Variants in TMEM150A observed in about 807,000 individuals in gnomAD.
The protein encoded by TMEM150A is transmembrane protein 150A.
Under a neutral mutation model 29.8 loss-of-function variants are expected in TMEM150A, and 18 were observed. The observed-to-expected ratio is 0.60, with a 90% CI of 0.42 to 0.90. TMEM150A has a LOEUF of 0.90. Ranked by LOEUF, TMEM150A falls within the 40% of genes least tolerant of loss-of-function variation. The pLI, the probability that TMEM150A is intolerant of heterozygous loss-of-function variation, is 0.00. For missense variants in TMEM150A, 251 were observed against 349.7 expected (o/e 0.72, Z 2.25); for synonymous variants, 127 against 143.6 (o/e 0.88, Z 0.83).
Position 85,598,575 on chromosome 2 carries a change from A to C in TMEM150A, c.*501T>G, listed in dbSNP as rs1463355016. On this transcript the variant is annotated 3_prime_UTR_variant, in exon 8 of 8. Coordinates refer to ENST00000334462, the MANE Select transcript of TMEM150A (RefSeq NM_001031738.3). ...AAATTAGAATTCTTTTAATATAAAA[A>C]AAAGTACTAAAATACCCACGTGGTT... 6.3e-6 allele frequency: 1 copy of C among 157,908 alleles called. No homozygotes were observed. The highest frequency in any genetic ancestry group is 1.4e-5 in the Non-Finnish European group (1 of 70,916). 9.8% of individuals were successfully genotyped at this position (157,908 alleles called of 1,614,324 possible). A position where few individuals can be genotyped will look rare whatever the true frequency, so the allele number is the denominator to read the frequency against.
Position 85,602,075 on chromosome 2 carries a change from G to T in TMEM150A, c.-116-11C>A. 1 of 834,732 alleles carries T rather than the reference G, an allele frequency of 1.2e-6. No homozygotes were observed. The highest frequency in any genetic ancestry group is 1.5e-5 in the South Asian group (1 of 67,108). The allele number at this position is 834,732 out of a possible 1,614,324, so 51.7% of individuals were successfully genotyped here. A position where few individuals can be genotyped will look rare whatever the true frequency, so the allele number is the denominator to read the frequency against. ...ATCAGCTGTCCTGGCCTGGTGGAGAGAGATCAAAGTCCAGGAGTGGGTAAC... is the reference window on the plus strand; with the variant it reads ...ATCAGCTGTCCTGGCCTGGTGGAGATAGATCAAAGTCCAGGAGTGGGTAAC... On this transcript the variant is annotated splice_polypyrimidine_tract_variant and intron_variant, in intron 1 of 7. Transcript: ENST00000334462. The surrounding 1 kb of genome is among the most constrained non-coding windows in gnomAD (Gnocchi z 5.6).
Position 85,601,201 on chromosome 2 carries a change from C to A in TMEM150A, c.114-94G>T. The A allele has an allele frequency of 7.3e-7, 1 of 1,362,852 alleles. No homozygotes were observed. The allele number at this position is 1,362,852 out of a possible 1,614,324, so 84.4% of individuals were successfully genotyped here. A position where few individuals can be genotyped will look rare whatever the true frequency, so the allele number is the denominator to read the frequency against. On this transcript the variant is annotated intron_variant, in intron 3 of 7. Coordinates refer to ENST00000334462, the MANE Select transcript of TMEM150A (RefSeq NM_001031738.3). This position sits in a 1 kb window ranked among gnomAD's most constrained non-coding sequence, Gnocchi z 4.0. ...GCCTCAAAGAGGACTCTCTCCCAGA[C>A]CTCCCCTACAGGGACAGAAGATCCC...
Position 85,601,807 on chromosome 2 carries a change from C to T in TMEM150A, c.65+77G>A. ...CACCCAGAGTGACCCTGGGTACCAC[C>T]GTGGCTATGACAGGACAAGAGACTT... On this transcript the variant is annotated intron_variant, in intron 2 of 7. Transcript: ENST00000334462. This position sits in a 1 kb window ranked among gnomAD's most constrained non-coding sequence, Gnocchi z 4.0. 6.5e-7 allele frequency: 1 copy of T among 1,534,358 alleles called. No individual in the cohort carries two copies. Among genetic ancestry groups the T allele is most frequent in the Non-Finnish European group, 9.0e-7 (1 of 1,113,742 alleles).
Position 85,601,887 on chromosome 2 carries a change from G to A in TMEM150A, c.62C>T (p.Thr21Ile), listed in dbSNP as rs1672990105. ...CCGGGCACCCCCCTTTACTCACACA[G>A]TCCATATGCCAGTGATGGAGAACGC... The part of the protein sequence containing the change: ...LSAFSITGIW[T>I]VYAMAVMNHH... Residue 21 changes from threonine to isoleucine, a missense_variant, in exon 2 of 8, where the codon ACT becomes ATT. Coordinates refer to ENST00000334462, the MANE Select transcript of TMEM150A (RefSeq NM_001031738.3). The surrounding 1 kb of genome is among the most constrained non-coding windows in gnomAD (Gnocchi z 4.0). 1 of 1,613,948 alleles carries A rather than the reference G, an allele frequency of 6.2e-7. No individual in the cohort carries two copies. Among genetic ancestry groups the A allele is most frequent in the Admixed American group, 1.7e-5 (1 of 60,006 alleles).
At chr2:85,600,244 A>G (rs554708102) in intron 5 of TMEM150A, 101 bp downstream of exon 5, 3 of 1,446,670 alleles carry the variant, frequency 2.1e-6, no homozygotes, top group Non-Finnish European at 2.9e-6. Context: ...CTATTGCCTT[A>G]GCCCTTGGTG....
chr2:85,601,352 C>A lies in TMEM150A; in HGVS notation c.113+83G>T. 2 of 1,554,760 alleles carry A rather than the reference C, an allele frequency of 1.3e-6. No homozygotes were observed. Among genetic ancestry groups the A allele is most frequent in the Middle Eastern group, 1.7e-4 (1 of 5,750 alleles). On this transcript the variant is annotated intron_variant, in intron 3 of 7. Transcript: ENST00000334462. This position sits in a 1 kb window ranked among gnomAD's most constrained non-coding sequence, Gnocchi z 4.0. ...GAGCAGTGAGGCTCAGGGTTGCAGT[C>A]TGGCTCGTGGCAGCCTCAGGCCCAA...
In TMEM150A at chr2:85,601,596, G is replaced by A. The variant is rs1672963898; in HGVS notation, c.66-114C>T. ...CCCATTCAGCCTCATTATTGTTGCTGGGGACTCAAGTTGAGGTCCCTAAGG... is the reference window on the plus strand; with the variant it reads ...CCCATTCAGCCTCATTATTGTTGCTAGGGACTCAAGTTGAGGTCCCTAAGG... On this transcript the variant is annotated intron_variant, in intron 2 of 7. Coordinates refer to ENST00000334462, the MANE Select transcript of TMEM150A (RefSeq NM_001031738.3). The surrounding 1 kb of genome is among the most constrained non-coding windows in gnomAD (Gnocchi z 4.0). 2 of 1,281,064 alleles carry A rather than the reference G, an allele frequency of 1.6e-6. No individual in the cohort carries two copies. The highest frequency in any genetic ancestry group is 2.2e-6 in the Non-Finnish European group (2 of 919,040). The allele number at this position is 1,281,064 out of a possible 1,614,324, so 79.4% of individuals were successfully genotyped here. A position where few individuals can be genotyped will look rare whatever the true frequency, so the allele number is the denominator to read the frequency against.
rs1158269806 is a variant in TMEM150A at position 85,602,435 on chromosome 2, C to A, written c.-117+172G>T. On this transcript the variant is annotated intron_variant, in intron 1 of 7. Coordinates refer to ENST00000334462, the MANE Select transcript of TMEM150A (RefSeq NM_001031738.3). This position sits in a 1 kb window ranked among gnomAD's most constrained non-coding sequence, Gnocchi z 5.6. ...ACCACCTGACCATCGGCGCCCTGGGCGAGGGGCGGGTTCACGCGGAAAGCC... is the reference window on the plus strand; with the variant it reads ...ACCACCTGACCATCGGCGCCCTGGGAGAGGGGCGGGTTCACGCGGAAAGCC... 6.6e-6 allele frequency: 1 copy of A among 152,184 alleles called. No homozygotes were observed. Among genetic ancestry groups the A allele is most frequent in the Non-Finnish European group, 1.5e-5 (1 of 68,088 alleles). 9.4% of individuals were successfully genotyped at this position (152,184 alleles called of 1,614,324 possible). A position where few individuals can be genotyped will look rare whatever the true frequency, so the allele number is the denominator to read the frequency against.
chr2:85,601,061 G>C lies in TMEM150A; in HGVS notation c.160C>G (p.Pro54Ala). The C allele has an allele frequency of 6.2e-7, 1 of 1,612,708 alleles. No individual in the cohort carries two copies. The highest frequency in any genetic ancestry group is 8.5e-7 in the Non-Finnish European group (1 of 1,179,540). ...TCGTCCAGGGTGCAGCAGGTCTTGG[G>C]ACCCCCTTGCTCAGCAGGGTCAGGA... The part of the protein sequence containing the change: ...CPPDPAEQGG[P>A]KTCCTLDDVP... The change falls in exon 4 of 8, where the codon CCC becomes GCC. Residue 54 changes from proline (P) to alanine (A), a missense_variant. Pro to Ala is a conservative substitution (Grantham distance 27). Transcript: ENST00000334462. This position sits in a 1 kb window ranked among gnomAD's most constrained non-coding sequence, Gnocchi z 4.0.
rs1452553020 is a variant in TMEM150A, at chr2:85,601,413, T to C, written c.113+22A>G. Reference sequence around the variant, plus strand: ...AGATGAAGGAAGCTTTAGAGCAAGGTTGTCTGCAGAGTCCTTCATACCAGT... The same window carrying C: ...AGATGAAGGAAGCTTTAGAGCAAGGCTGTCTGCAGAGTCCTTCATACCAGT... On this transcript the variant is annotated intron_variant, in intron 3 of 7. Coordinates refer to ENST00000334462, the MANE Select transcript of TMEM150A (RefSeq NM_001031738.3). The surrounding 1 kb of genome is among the most constrained non-coding windows in gnomAD (Gnocchi z 4.0). 5.0e-6 allele frequency: 8 copies of C among 1,613,658 alleles called. No homozygotes were observed. Among genetic ancestry groups the C allele is most frequent in the Non-Finnish European group, 6.8e-6 (8 of 1,179,934 alleles).
Position 85,599,918 on chromosome 2 carries a change from C to G in TMEM150A, c.369G>C (p.Ala123=). 1.2e-6 allele frequency: 2 copies of G among 1,613,464 alleles called. No homozygotes were observed. The highest frequency in any genetic ancestry group is 2.2e-5 in the East Asian group (1 of 44,872). The part of the protein sequence containing the change: ...TALITGCTNA[A]GLLVVGNFQV... The stretch of plus-strand genomic sequence containing the variant: ...GAAAGTTGCCAACCACCAAGAGGCC[C>G]GCAGCGTTGGTGCAGCCTGTGATGA... The change falls in exon 6 of 8, where the codon GCG becomes GCC. Residue 123 remains alanine, a synonymous_variant. Coordinates refer to ENST00000334462, the MANE Select transcript of TMEM150A (RefSeq NM_001031738.3). The surrounding 1 kb of genome is among the most constrained non-coding windows in gnomAD (Gnocchi z 6.0).
rs902437088 is a variant in TMEM150A at position 85,602,596 on chromosome 2, C to G, written c.-117+11G>C. Reference sequence around the variant, plus strand: ...GGAAGCCCGGAGGAAGGGAAGGAGCCCAGTACGCACCTCCCCGGAGCGCCC... The same window carrying G: ...GGAAGCCCGGAGGAAGGGAAGGAGCGCAGTACGCACCTCCCCGGAGCGCCC... On this transcript the variant is annotated intron_variant, in intron 1 of 7. Transcript: ENST00000334462. This position sits in a 1 kb window ranked among gnomAD's most constrained non-coding sequence, Gnocchi z 5.6. The G allele has an allele frequency of 6.5e-6, 1 of 152,816 alleles. No individual in the cohort carries two copies. The highest frequency in any genetic ancestry group is 2.1e-4 in the South Asian group (1 of 4,874). 9.5% of individuals were successfully genotyped at this position (152,816 alleles called of 1,614,324 possible).
chr2:85,600,891 T>G (rs6733550), intron 4 of TMEM150A, 130 bp downstream of exon 4: 286,108 of 763,634 alleles, frequency 0.37, 58,939 homozygotes, highest in African/African-American at 0.75. Flanking sequence ...ACAGTAACTG[T>G]CAAGTAGTGT....
rs545219097 is a variant in TMEM150A at position 85,599,135 on chromosome 2, C to T, written c.757G>A (p.Gly253Arg). 49 of 1,613,770 alleles carry T rather than the reference C, an allele frequency of 3.0e-5. No homozygotes were observed. Among genetic ancestry groups the T allele is most frequent in the South Asian group, 2.5e-4 (23 of 91,046 alleles). ...AGGTGGGTGGAGGTGCTGCTGCTCC[C>T]GGAGGACTTGCAGGCCCGGCCAGGG... The part of the protein sequence containing the change: ...PTPGRACKSS[G>R]SSSTSTHLNC... Residue 253 changes from glycine to arginine, a missense_variant, in exon 8 of 8, where the codon GGG becomes AGG. Coordinates refer to ENST00000334462, the MANE Select transcript of TMEM150A (RefSeq NM_001031738.3). This position sits in a 1 kb window ranked among gnomAD's most constrained non-coding sequence, Gnocchi z 6.0.
At chr2:85,600,484 C>A in intron 4 of TMEM150A, 72 bp from the exon 5 acceptor site, 6 of 1,087,314 alleles carry the variant, frequency 5.5e-6, no homozygotes, top group Admixed American at 1.8e-5. Flanking sequence ...GGCTCACTGG[C>A]TCTCCCCTGC....
At position 85,601,348 on chromosome 2, in the gene TMEM150A, C is replaced by G. The variant is rs769841751; in HGVS notation, c.113+87G>C. 2.0e-6 allele frequency: 3 copies of G among 1,521,480 alleles called. No homozygotes were observed. Among genetic ancestry groups the G allele is most frequent in the Non-Finnish European group, 2.7e-6 (3 of 1,096,044 alleles). The allele number at this position is 1,521,480 out of a possible 1,614,324, so 94.2% of individuals were successfully genotyped here. A position where few individuals can be genotyped will look rare whatever the true frequency, so the allele number is the denominator to read the frequency against. Reference sequence around the variant, plus strand: ...AGAAGAGCAGTGAGGCTCAGGGTTGCAGTCTGGCTCGTGGCAGCCTCAGGC... The same window carrying G: ...AGAAGAGCAGTGAGGCTCAGGGTTGGAGTCTGGCTCGTGGCAGCCTCAGGC... On this transcript the variant is annotated intron_variant, in intron 3 of 7. Transcript: ENST00000334462. The surrounding 1 kb of genome is among the most constrained non-coding windows in gnomAD (Gnocchi z 4.0).
Position 85,601,097 on chromosome 2 carries a change from C to T in TMEM150A, c.124G>A (p.Glu42Lys), listed in dbSNP as rs1005661760. The T allele has an allele frequency of 3.1e-6, 5 of 1,612,666 alleles. No homozygotes were observed. Among genetic ancestry groups the T allele is most frequent in the African/African-American group, 1.3e-5 (1 of 74,970 alleles). Reference sequence around the variant, plus strand: ...TCAGCAGGGTCAGGAGGGCAGGACTCGTTGTAGGACCTGGCAGGCAGGACA... The same window carrying T: ...TCAGCAGGGTCAGGAGGGCAGGACTTGTTGTAGGACCTGGCAGGCAGGACA... ...VCPVENWSYN[E>K]SCPPDPAEQG... Residue 42 changes from glutamate (E) to lysine (K), a missense_variant, in exon 4 of 8, where the codon GAG becomes AAG. Glu to Lys is a moderately conservative substitution (Grantham distance 56, BLOSUM62 1). Transcript: ENST00000334462. The surrounding 1 kb of genome is among the most constrained non-coding windows in gnomAD (Gnocchi z 4.0).
intron 5 of TMEM150A, 113 bp downstream of exon 5, chr2:85,600,232 C>T: frequency 3.6e-6 from 5 of 1,371,494 alleles, no homozygotes; most frequent in Non-Finnish European, 4.1e-6. Flanking sequence ...GAGAAGCTGC[C>T]TCTATTGCCT....
chr2:85,599,096 CG>C lies in TMEM150A; in HGVS notation c.795del (p.Glu266ArgfsTer5). ...SSTSTHLNCA[P>X]ESIAMI Reference sequence around the variant, plus strand: ...AGACCTTAGATCATAGCGATGCTCTCGGGGGCACAGTTGAGGTGGGTGGAGG... The same window carrying C: ...AGACCTTAGATCATAGCGATGCTCTCGGGGCACAGTTGAGGTGGGTGGAGG... On this transcript the variant is annotated frameshift_variant, in exon 8 of 8. Transcript: ENST00000334462. LOFTEE classifies it high-confidence loss of function. This position sits in a 1 kb window ranked among gnomAD's most constrained non-coding sequence, Gnocchi z 6.0. 1 of 1,613,634 alleles carries C rather than the reference CG, an allele frequency of 6.2e-7. No homozygotes were observed. The highest frequency in any genetic ancestry group is 1.7e-5 in the Admixed American group (1 of 60,004).
Sources: allele counts gnomAD v4.1 joint callset, GRCh38; gene constraint gnomAD v4.1.1; non-coding constraint Gnocchi (gnomAD v3.1); transcripts MANE v1.5; gene names NCBI Gene and HGNC (gene_info 2026-07-23, HGNC 2026-07-21).